The following MLLT3 variants were observed in gnomAD, a reference collection of about 807,000 sequenced individuals.
MLLT3 encodes the protein MLLT3 super elongation complex subunit.
A neutral mutation model predicts 53.2 loss-of-function variants in MLLT3; 4 were observed. The ratio of observed to expected loss-of-function variants is 0.08; its 90% confidence interval spans 0.04 to 0.17. MLLT3 has a LOEUF of 0.17. Ranked by LOEUF, MLLT3 falls within the 10% of genes least tolerant of loss-of-function variation. MLLT3 has a pLI of 1.00. For synonymous variants in MLLT3, 283 were observed against 230.6 expected (o/e 1.23, Z -2.06); for missense variants, 569 against 684.0 (o/e 0.83, Z 1.87).
chr9:20,565,911 T>A (rs1246213393), intron 2 of MLLT3, among the ~76,000 whole-genome samples: 32 of 119,742 alleles, frequency 2.7e-4, no homozygotes, highest in Admixed American at 1.3e-3. Context: ...AAGGAAAAAA[T>A]ATATATATAT....
chr9:20,575,847 C>A (rs1036787571), intron 2 of MLLT3, among the ~76,000 whole-genome samples: 3 of 152,178 alleles, frequency 2.0e-5, no homozygotes, highest in Admixed American at 6.5e-5. Context: ...TAAACGAGCA[C>A]TGGCTTCAAC....
chr9:20,408,273 T>TG (rs1432078029), intron 5 of MLLT3, among the ~76,000 whole-genome samples: 1 of 149,468 alleles, frequency 6.7e-6, no homozygotes, highest in African/African-American at 2.5e-5. Context: ...CTCCAACTGT[T>TG]TTTTTTTTTA....
At position 20,500,812 on chromosome 9, in the gene MLLT3, T is replaced by C. The variant is rs576732165; in HGVS notation, c.194-44026A>G. 5.9e-5 allele frequency among the ~76,000 whole-genome samples: 9 copies of C among 152,338 alleles called. No individual in the cohort carries two copies. In the East Asian group the frequency reaches 1.7e-3, roughly 29 times the overall value. On this transcript the variant is annotated intron_variant, in intron 2 of 10. Coordinates refer to ENST00000380338, the MANE Select transcript of MLLT3 (RefSeq NM_004529.4). ...CAGAAGTTACTTACCACAGGTCATATAGAGAAACTAATAGCAATCTCTTGA... is the reference window on the plus strand; with the variant it reads ...CAGAAGTTACTTACCACAGGTCATACAGAGAAACTAATAGCAATCTCTTGA...
At chr9:20,373,110 A>T (rs1821659090) in intron 5 of MLLT3, among the ~76,000 whole-genome samples, 1 of 152,152 alleles carries the variant, frequency 6.6e-6, no homozygotes, top group African/African-American at 2.4e-5. Flanking sequence ...TAGTTTGCTC[A>T]TAGAGTGAGG....
intron 4 of MLLT3, among the ~76,000 whole-genome samples, chr9:20,430,282 AAC>A (rs1439201890): frequency 6.6e-6 from 1 of 152,150 alleles, no homozygotes; most frequent in African/African-American, 2.4e-5. Flanking sequence ...TTCAAATCTC[AAC>A]AGTTTTTCAG....
At chr9:20,576,041 G>C (rs574845126) in intron 2 of MLLT3, among the ~76,000 whole-genome samples, 1 of 152,296 alleles carries the variant, frequency 6.6e-6, no homozygotes, top group East Asian at 1.9e-4. Flanking sequence ...AATGATCTTA[G>C]CTAGATCTTC....
At chr9:20,553,914 T>G (rs1165601259) in intron 2 of MLLT3, among the ~76,000 whole-genome samples, 5 of 152,050 alleles carry the variant, frequency 3.3e-5, no homozygotes, top group Non-Finnish European at 7.4e-5. Context: ...TACTAAATAC[T>G]AATTTGAGGA....
intron 2 of MLLT3, chr9:20,533,097 G>A (rs1483952995): frequency 1.6e-5 from 4 of 250,732 alleles, no homozygotes; most frequent in Admixed American, 1.4e-4. Context: ...GGTCCCTTAA[G>A]TGCATTACCA....
intron 4 of MLLT3, among the ~76,000 whole-genome samples, chr9:20,416,491 G>T (rs572854387): frequency 6.6e-6 from 1 of 151,936 alleles, no homozygotes; most frequent in East Asian, 1.9e-4. Context: ...TCCTTCTTTA[G>T]AACAAACTGG....
intron 4 of MLLT3, among the ~76,000 whole-genome samples, chr9:20,437,422 T>C (rs1185706429): frequency 6.6e-6 from 1 of 152,152 alleles, no homozygotes; most frequent in African/African-American, 2.4e-5. Flanking sequence ...CACAAAAATA[T>C]CTTCCAGAAA....
In MLLT3 at chr9:20,621,889, C is replaced by A. The variant is rs1266951769; in HGVS notation, c.12+356G>T. The A allele has an allele frequency of 3.0e-5, 41 of 1,364,638 alleles. No homozygotes were observed. Among genetic ancestry groups the A allele is most frequent in the African/African-American group, 4.6e-5 (3 of 64,782 alleles). The allele number at this position is 1,364,638 out of a possible 1,614,324, so 84.5% of individuals were successfully genotyped here. A position where few individuals can be genotyped will look rare whatever the true frequency, so the allele number is the denominator to read the frequency against. On this transcript the variant is annotated intron_variant, in intron 1 of 10. Coordinates refer to ENST00000380338, the MANE Select transcript of MLLT3 (RefSeq NM_004529.4). This position sits in a 1 kb window ranked among gnomAD's most constrained non-coding sequence, Gnocchi z 7.0. ...GCTGAAATATGGCTGAGTTATTATTCGCCTCCTTCCACCGTGTGTGTGTGT... is the reference window on the plus strand; with the variant it reads ...GCTGAAATATGGCTGAGTTATTATTAGCCTCCTTCCACCGTGTGTGTGTGT...
chr9:20,613,330 T>C (rs1311074090), intron 2 of MLLT3, among the ~76,000 whole-genome samples: 1 of 152,208 alleles, frequency 6.6e-6, no homozygotes, highest in Admixed American at 6.5e-5. Flanking sequence ...ACTAGCATGA[T>C]CCTCTTCACG....
At chr9:20,505,641 C>G (rs1825362643) in intron 2 of MLLT3, among the ~76,000 whole-genome samples, 1 of 152,170 alleles carries the variant, frequency 6.6e-6, no homozygotes, top group African/African-American at 2.4e-5. Flanking sequence ...TGGCTTATGG[C>G]ATTGTTTCCT....
chr9:20,484,536 T>C (rs1195868331), intron 2 of MLLT3, among the ~76,000 whole-genome samples: 1 of 152,184 alleles, frequency 6.6e-6, no homozygotes, highest in Non-Finnish European at 1.5e-5. Flanking sequence ...GAGATGCACC[T>C]ACTACCCAAC....
intron 10 of MLLT3, among the ~76,000 whole-genome samples, chr9:20,353,006 T>C (rs1821073124): frequency 6.6e-6 from 1 of 152,260 alleles, no homozygotes; most frequent in East Asian, 1.9e-4. Context: ...TCTACAAGTA[T>C]TCCACTACAA....
At chr9:20,436,627 T>C (rs1408759704) in intron 4 of MLLT3, among the ~76,000 whole-genome samples, 1 of 152,156 alleles carries the variant, frequency 6.6e-6, no homozygotes, top group East Asian at 1.9e-4. Flanking sequence ...CTAATATCAC[T>C]ATGTGTAACC....
At chr9:20,360,875 A>G (rs1482389818) in intron 7 of MLLT3, 34 bp from the exon 8 acceptor site, 1 of 1,545,210 alleles carries the variant, frequency 6.5e-7, no homozygotes, top group Non-Finnish European at 9.0e-7. Flanking sequence ...GCACATCATT[A>G]CAAACAGATG....
rs1291932626 is a variant in MLLT3 at position 20,414,562 on chromosome 9, C to CA, written c.421-138dup. 3 of 1,246,520 alleles carry CA rather than the reference C, an allele frequency of 2.4e-6. No individual in the cohort carries two copies. The East Asian group carries it at 7.3e-5, about 30-fold the overall frequency. The allele number at this position is 1,246,520 out of a possible 1,614,324, so 77.2% of individuals were successfully genotyped here. A position where few individuals can be genotyped will look rare whatever the true frequency, so the allele number is the denominator to read the frequency against. ...ATACCAAAAATATTTTAATATAAAC[C>CA]AAAAACCACAATATAACAGGTGAGA... is the stretch of plus-strand genomic sequence containing the variant. On this transcript the variant is annotated intron_variant, in intron 4 of 10. Coordinates refer to ENST00000380338, the MANE Select transcript of MLLT3 (RefSeq NM_004529.4).
intron 2 of MLLT3, among the ~76,000 whole-genome samples, chr9:20,615,512 C>T (rs929426876): frequency 6.6e-6 from 1 of 151,470 alleles, no homozygotes; most frequent in Non-Finnish European, 1.5e-5. Context: ...GAGGCAAATA[C>T]CTTGGAAGAT....
Sources: gnomAD v4.1 joint callset for allele counts (sites outside exome capture counted in the v4.1 genomes callset) on GRCh38, gnomAD v4.1.1 for gene constraint, Gnocchi (gnomAD v3.1) non-coding constraint, MANE v1.5 for transcripts, NCBI Gene and HGNC (gene_info 2026-07-23, HGNC 2026-07-21) for gene names.